ALG14: variants seen among roughly 807,000 people sequenced by gnomAD.
ALG14 encodes ALG14 UDP-N-acetylglucosaminyltransferase subunit, also known as UDP-N-acetylglucosamine transferase subunit ALG14.
Under a neutral mutation model 22.8 loss-of-function variants are expected in ALG14, and 17 were observed. The observed-to-expected ratio is 0.75, with a 90% confidence interval of 0.51 to 1.12. The LOEUF is 1.12. ALG14 is among the 50% of genes most tolerant of loss of function. The pLI is 0.00. For missense variants in ALG14, 288 were observed against 271.8 expected (o/e 1.06, Z -0.42); for synonymous variants, 89 against 103.7 (o/e 0.86, Z 0.86).
chr1:95,036,973 C>A (rs2100789196), intron 2 of ALG14, among the ~76,000 whole-genome samples: 1 of 152,290 alleles, frequency 6.6e-6, no homozygotes, highest in East Asian at 1.9e-4. Context: ...AGGCTGCACT[C>A]CAGCTCTGCC....
At chr1:95,064,842 T>A in intron 2 of ALG14, 24 bp downstream of exon 2, 1 of 1,597,600 alleles carries the variant, frequency 6.3e-7, no homozygotes, top group Non-Finnish European at 8.6e-7. Flanking sequence ...TGTAATTTTC[T>A]TAGAAATAGA....
chr1:95,048,356 T>C (rs1674629617), intron 2 of ALG14, among the ~76,000 whole-genome samples: 6 of 152,222 alleles, frequency 3.9e-5, no homozygotes, highest in Admixed American at 3.9e-4. Flanking sequence ...TTTATTCATA[T>C]GTCACCGAGC....
At chr1:95,056,852 T>G (rs1405108721) in intron 2 of ALG14, among the ~76,000 whole-genome samples, 1 of 150,260 alleles carries the variant, frequency 6.7e-6, no homozygotes, top group Admixed American at 6.6e-5. Flanking sequence ...TGGTCAGGAG[T>G]TCGAGACCAG....
chr1:95,034,456 T>C (rs1674118672), intron 2 of ALG14, among the ~76,000 whole-genome samples: 1 of 152,178 alleles, frequency 6.6e-6, no homozygotes, highest in African/African-American at 2.4e-5. Context: ...CAAATGACTA[T>C]CATTATAATT....
At chr1:94,987,843 G>A (rs1291743521) in intron 3 of ALG14, among the ~76,000 whole-genome samples, 1 of 152,208 alleles carries the variant, frequency 6.6e-6, no homozygotes, top group East Asian at 1.9e-4. Context: ...GAGAGCATAT[G>A]AAGGTAAGAC....
At chr1:95,064,479 T>C (rs1452120714) in intron 2 of ALG14, among the ~76,000 whole-genome samples, 4 of 152,206 alleles carry the variant, frequency 2.6e-5, no homozygotes, top group African/African-American at 9.6e-5. Context: ...TATTGACAGT[T>C]TTTAACACGA....
intron 2 of ALG14, among the ~76,000 whole-genome samples, chr1:95,038,202 C>T (rs1027064147): frequency 6.6e-6 from 1 of 151,866 alleles, no homozygotes; most frequent in Admixed American, 6.6e-5. Flanking sequence ...AAATTGGCCA[C>T]GCGCGGTGGC....
rs556940528 is a variant in ALG14, at chr1:95,071,903, GT to G, written c.136+859del. ...ACTCATTTTGATTTATTTTCTGTTA[GT>G]TTTTTTGTATTCTCTATTTCATTTA... On this transcript the variant is annotated intron_variant, in intron 1 of 3. Transcript: ENST00000370205. Among the ~76,000 whole-genome samples, 28 of 152,230 alleles carry G rather than the reference GT, an allele frequency of 1.8e-4. No individual in the cohort carries two copies. The South Asian group carries it at 4.6e-3, about 25-fold the overall frequency.
Position 94,983,265 on chromosome 1 carries a change from TACACAGATAGGA to T in ALG14, c.450_461del (p.Pro151_Val154del), listed in dbSNP as rs1252017780. 6.2e-7 allele frequency: 1 copy of T among 1,614,026 alleles called. No homozygotes were observed. The highest frequency in any genetic ancestry group is 8.5e-7 in the Non-Finnish European group (1 of 1,180,034). ...CTAGTATCCCAAGGAGAAGGGCAGA[TACACAGATAGGA>T]ACACATGTTCCTGGTCCGTTACACA... On this transcript the variant is annotated inframe_deletion, in exon 4 of 4. Coordinates refer to ENST00000370205, the MANE Select transcript of ALG14 (RefSeq NM_144988.4).
chr1:95,055,733 C>G (rs1674901755), intron 2 of ALG14, among the ~76,000 whole-genome samples: 1 of 149,786 alleles, frequency 6.7e-6, no homozygotes, highest in African/African-American at 2.5e-5. Flanking sequence ...TGGCTCACAC[C>G]TGTAATCCCA....
intron 2 of ALG14, among the ~76,000 whole-genome samples, chr1:95,040,142 A>T (rs1674333767): frequency 6.6e-6 from 1 of 151,764 alleles, no homozygotes; most frequent in Non-Finnish European, 1.5e-5. Flanking sequence ...ACTGCACTCC[A>T]GCCTGGGTGA....
intron 3 of ALG14, among the ~76,000 whole-genome samples, chr1:95,014,073 A>G (rs1673439758): frequency 6.6e-6 from 1 of 152,222 alleles, no homozygotes; most frequent in African/African-American, 2.4e-5. Context: ...CCAGAAATAC[A>G]AATTAGCTGA....
In ALG14 at chr1:94,981,645, G is replaced by C. The variant is rs1672495141; in HGVS notation, c.*1431C>G. On this transcript the variant is annotated 3_prime_UTR_variant, in exon 4 of 4. Coordinates refer to ENST00000370205, the MANE Select transcript of ALG14 (RefSeq NM_144988.4). ...GAGGAAAAAACCTATATATACTACA[G>C]GAGAGAATCTTCTCTTTTCTGTTTT... 1.3e-5 allele frequency: 2 copies of C among 150,224 alleles called. No homozygotes were observed. Among genetic ancestry groups the C allele is most frequent in the South Asian group, 4.2e-4 (2 of 4,768 alleles). The allele number at this position is 150,224 out of a possible 1,614,324, so 9.3% of individuals were successfully genotyped here. A position where few individuals can be genotyped will look rare whatever the true frequency, so the allele number is the denominator to read the frequency against.
intron 3 of ALG14, among the ~76,000 whole-genome samples, chr1:95,008,773 T>C (rs1483369844): frequency 6.6e-6 from 1 of 152,074 alleles, no homozygotes; most frequent in African/African-American, 2.4e-5. Flanking sequence ...TTCTAGAACA[T>C]TTTTGTGATT....
chr1:95,021,058 CAA>C (rs1192808437), intron 3 of ALG14, among the ~76,000 whole-genome samples: 1 of 152,056 alleles, frequency 6.6e-6, no homozygotes, highest in Non-Finnish European at 1.5e-5. Flanking sequence ...AACATGTTAT[CAA>C]AAAAATCCTT....
chr1:95,013,161 T>C (rs1673414086), intron 3 of ALG14, among the ~76,000 whole-genome samples: 1 of 151,572 alleles, frequency 6.6e-6, no homozygotes, highest in Admixed American at 6.6e-5. Context: ...GAAGAATCTT[T>C]TCCTCTCATC....
At chr1:95,041,216 T>C (rs1674366992) in intron 2 of ALG14, among the ~76,000 whole-genome samples, 1 of 152,158 alleles carries the variant, frequency 6.6e-6, no homozygotes, top group South Asian at 2.1e-4. Flanking sequence ...TACCTTTACC[T>C]ATAATTCAGT....
intron 2 of ALG14, among the ~76,000 whole-genome samples, chr1:95,031,448 C>T (rs961839595): frequency 3.3e-5 from 5 of 152,196 alleles, no homozygotes; most frequent in Non-Finnish European, 5.9e-5. Flanking sequence ...TGGCTTACAG[C>T]TCTAAACTAG....
intron 3 of ALG14, among the ~76,000 whole-genome samples, chr1:94,998,807 T>C (rs1672975482): frequency 6.6e-6 from 1 of 152,174 alleles, no homozygotes; most frequent in Non-Finnish European, 1.5e-5. Flanking sequence ...TAAATACGTA[T>C]AAGGTATTAT....
Sources: allele counts gnomAD v4.1 joint callset (sites outside exome capture counted in the v4.1 genomes callset), GRCh38; gene constraint gnomAD v4.1.1; transcripts MANE v1.5; gene names NCBI Gene and HGNC (gene_info 2026-07-23, HGNC 2026-07-21).